Variants in SAFB2 observed in about 807,000 individuals in gnomAD.
The protein encoded by SAFB2 is scaffold attachment factor B2.
A neutral mutation model predicts 100.6 loss-of-function variants in SAFB2; 32 were observed. That is an observed-to-expected ratio of 0.32 (90% CI 0.24 to 0.43). The LOEUF is 0.43. Among genes scored for constraint, SAFB2 ranks in the 20% least tolerant of loss-of-function variants. SAFB2 has a pLI of 1.00. For missense variants in SAFB2, 1,185 were observed against 1,163.4 expected (o/e 1.02, Z -0.27); for synonymous variants, 500 against 439.4 (o/e 1.14, Z -1.72).
intron 11 of SAFB2, 80 bp downstream of exon 11, chr19:5,604,503 G>C (rs1290036837): frequency 1.0e-6 from 1 of 990,378 alleles, no homozygotes; most frequent in South Asian, 1.4e-5. Context: ...GGGGACAGAT[G>C]CGTGTTTTTC....
rs192668913 is a variant in SAFB2, at chr19:5,597,636, G to A, written c.1782+1157C>T. Reference sequence around the variant, plus strand: ...GACACACGGAGGCTTTAGTATGCCCGTGCTGCATCTCCTCAAGCTGACCAG... The same window carrying A: ...GACACACGGAGGCTTTAGTATGCCCATGCTGCATCTCCTCAAGCTGACCAG... On this transcript the variant is annotated intron_variant, in intron 13 of 20. Coordinates refer to ENST00000252542, the MANE Select transcript of SAFB2 (RefSeq NM_014649.3). Among the ~76,000 whole-genome samples the A allele has an allele frequency of 7.8e-4, 118 of 152,208 alleles. 1 individual carries two copies. Among genetic ancestry groups the A allele is most frequent in the African/African-American group, 2.6e-3 (108 of 41,542 alleles).
chr19:5,616,063 C>A (rs751231155), intron 4 of SAFB2, 69 bp downstream of exon 4: 1 of 1,448,252 alleles, frequency 6.9e-7, no homozygotes, highest in Non-Finnish European at 9.6e-7. Context: ...CTCCCTCACA[C>A]GAGCAGCACG....
chr19:5,613,776 G>A (rs927463479), intron 4 of SAFB2: 51 of 982,824 alleles, frequency 5.2e-5, no homozygotes, highest in African/African-American at 1.4e-4. Context: ...GTGAATGAAC[G>A]AATGAATTTC....
intron 13 of SAFB2, 30 bp downstream of exon 13, chr19:5,598,763 T>C (rs2052588448): frequency 2.5e-6 from 4 of 1,592,332 alleles, no homozygotes; most frequent in Non-Finnish European, 1.7e-6. Context: ...GAGAAACAGC[T>C]GGCCCTGAGA....
chr19:5,614,852 C>T (rs766910222), intron 4 of SAFB2, among the ~76,000 whole-genome samples: 48 of 152,318 alleles, frequency 3.2e-4, no homozygotes, highest in Middle Eastern at 3.4e-3. Context: ...TTTTGGGGAG[C>T]AGGGTTGATA....
chr19:5,594,076 GCGCTGGCACTCGAGCTGCAGGCGTTCC>G lies in SAFB2; in HGVS notation c.1995_2021del (p.Glu666_Arg674del). 6.3e-7 allele frequency: 1 copy of G among 1,595,596 alleles called. No individual in the cohort carries two copies. Among genetic ancestry groups the G allele is most frequent in the South Asian group, 1.1e-5 (1 of 89,570 alleles). On this transcript the variant is annotated inframe_deletion, in exon 15 of 21. Coordinates refer to ENST00000252542, the MANE Select transcript of SAFB2 (RefSeq NM_014649.3). ...CCATGCGCTCCCGCTCCAGCCGCTG[GCGCTGGCACTCGAGCTGCAGGCGTTCC>G]CGCTGTAGCCGGGCCTTCTCCTTCC...
chr19:5,622,370 G>C (rs1421741417), intron 1 of SAFB2, among the ~76,000 whole-genome samples, 160 bp downstream of exon 1: 1 of 152,166 alleles, frequency 6.6e-6, no homozygotes. Context: ...ACGGGCCAAG[G>C]TCACACAGCC....
chr19:5,590,260 T>G lies in SAFB2; in HGVS notation c.2525+18A>C. 2.6e-6 allele frequency: 4 copies of G among 1,542,800 alleles called. No homozygotes were observed. In the South Asian group the frequency reaches 4.8e-5, roughly 18 times the overall value. On this transcript the variant is annotated intron_variant, in intron 18 of 20. Transcript: ENST00000252542. ...TTAGGACAGATGCTCCCCACCCGGCTGGGGCTCACCCACTAACCTGGGGGG... is the reference window on the plus strand; with the variant it reads ...TTAGGACAGATGCTCCCCACCCGGCGGGGGCTCACCCACTAACCTGGGGGG...
At chr19:5,615,170 T>C (rs889311484) in intron 4 of SAFB2, among the ~76,000 whole-genome samples, 1 of 151,948 alleles carries the variant, frequency 6.6e-6, no homozygotes, top group African/African-American at 2.4e-5. Context: ...ATGGCCAACA[T>C]GGTGAAACCC....
intron 2 of SAFB2, 134 bp from the exon 3 acceptor site, chr19:5,616,620 G>A (rs369711756): frequency 5.0e-5 from 28 of 555,152 alleles, no homozygotes; most frequent in African/African-American, 2.8e-4. Context: ...CCTGTCACAC[G>A]TAATTTTGTC....
At position 5,612,570 on chromosome 19, in the gene SAFB2, A is replaced by G. The variant is rs760655078; in HGVS notation, c.607-3T>C. ...TCCAAAAGGGATTCTTCAATGTCCTATTTAAAAAAGAAAAAGCAAATCCAC... is the reference window on the plus strand; with the variant it reads ...TCCAAAAGGGATTCTTCAATGTCCTGTTTAAAAAAGAAAAAGCAAATCCAC... On this transcript the variant is annotated splice_region_variant and splice_polypyrimidine_tract_variant and intron_variant, in intron 5 of 20. Transcript: ENST00000252542. 2.5e-6 allele frequency: 4 copies of G among 1,612,846 alleles called. No individual in the cohort carries two copies. In the South Asian group the frequency reaches 4.4e-5, roughly 18 times the overall value.
At chr19:5,607,672 C>G (rs1270787701) in intron 9 of SAFB2, among the ~76,000 whole-genome samples, 2 of 152,198 alleles carry the variant, frequency 1.3e-5, no homozygotes, top group Admixed American at 6.5e-5. Context: ...CCAAGCCCAC[C>G]ACCACTGGCG....
intron 18 of SAFB2, among the ~76,000 whole-genome samples, chr19:5,589,999 A>G (rs117075511): frequency 0.015 from 2,219 of 152,318 alleles, 32 homozygotes; most frequent in Admixed American, 0.02. Context: ...TACGCAGCCC[A>G]TGATCGAGAC....
intron 5 of SAFB2, among the ~76,000 whole-genome samples, chr19:5,613,217 T>C (rs189761852): frequency 1.9e-4 from 29 of 152,334 alleles, no homozygotes; most frequent in African/African-American, 5.5e-4. Context: ...CAGGCACTTA[T>C]GAAGTCCAAC....
At position 5,590,288 on chromosome 19, in the gene SAFB2, G is replaced by T. The variant is rs564496657; in HGVS notation, c.2515C>A (p.Pro839Thr). 4.9e-5 allele frequency: 79 copies of T among 1,598,554 alleles called. No homozygotes were observed. In the South Asian group the frequency reaches 9.0e-4, roughly 18 times the overall value. The change falls in exon 18 of 21, where the codon CCT becomes ACT. Residue 839 changes from proline (P) to threonine (T), a missense_variant. Pro to Thr is a conservative substitution (Grantham distance 38, BLOSUM62 -1). This residue lies in a region of SAFB2 where 740 missense variants were observed against 687.1 expected (regional missense o/e 1.08). Transcript: ENST00000252542. ...KRLSEGRGLPPPPRGGRDWGE... is the reference protein window; with the variant it reads ...KRLSEGRGLPTPPRGGRDWGE... Reference sequence around the variant, plus strand: ...GGCTCACCCACTAACCTGGGGGGAGGGGGCAGCCCCCGGCCTTCACTCAGC... The same window carrying T: ...GGCTCACCCACTAACCTGGGGGGAGTGGGCAGCCCCCGGCCTTCACTCAGC...
chr19:5,610,169 C>T, intron 8 of SAFB2, 74 bp from the exon 9 acceptor site: 2 of 1,270,426 alleles, frequency 1.6e-6, no homozygotes, highest in South Asian at 1.2e-5. Flanking sequence ...AAGACCGCAG[C>T]CCTCTTTAAA....
intron 6 of SAFB2, 96 bp downstream of exon 6, chr19:5,612,444 T>A (rs2068927986): frequency 2.6e-6 from 3 of 1,153,398 alleles, no homozygotes; most frequent in Non-Finnish European, 3.9e-6. Flanking sequence ...ATTAGAGCAA[T>A]TTACAAGATC....
chr19:5,589,779 T>C (rs1225014094), intron 18 of SAFB2, among the ~76,000 whole-genome samples: 1 of 152,142 alleles, frequency 6.6e-6, no homozygotes, highest in Non-Finnish European at 1.5e-5. Context: ...CCTGGCCCAG[T>C]GTCCTCAGCC....
chr19:5,611,070 G>A (rs2052899552), intron 7 of SAFB2, 50 bp downstream of exon 7: 2 of 283,684 alleles, frequency 7.1e-6, no homozygotes, highest in African/African-American at 5.1e-5. Context: ...GTCATTACAT[G>A]ACCAATGAAA....
Sources: allele counts gnomAD v4.1 joint callset (sites outside exome capture counted in the v4.1 genomes callset), GRCh38; gene constraint gnomAD v4.1.1; regional missense constraint gnomAD v4.1.1; transcripts MANE v1.5; gene names NCBI Gene and HGNC (gene_info 2026-07-23, HGNC 2026-07-21).